ENPEP: variants seen among roughly 807,000 people sequenced by gnomAD.
The protein encoded by ENPEP is AP-A.
A neutral mutation model predicts 114.5 loss-of-function variants in ENPEP; 103 were observed. The ratio of observed to expected loss-of-function variants is 0.90; its 90% CI spans 0.77 to 1.06. The LOEUF (loss-of-function observed/expected upper bound fraction) is 1.06. Ranked by LOEUF, ENPEP falls within the 50% of genes least tolerant of loss-of-function variation. ENPEP has a pLI of 0.00. For synonymous variants in ENPEP, 420 were observed against 422.0 expected (o/e 1.00, Z 0.06); for missense variants, 1,196 against 1,161.3 (o/e 1.03, Z -0.43).
At chr4:110,508,670 G>A (rs1303271042) in intron 4 of ENPEP, among the ~76,000 whole-genome samples, 1 of 152,154 alleles carries the variant, frequency 6.6e-6, no homozygotes, top group Non-Finnish European at 1.5e-5. Flanking sequence ...AATTAGCCAG[G>A]CGCGGTGGCG....
At chr4:110,516,498 G>T (rs1378484297) in intron 8 of ENPEP, among the ~76,000 whole-genome samples, 1 of 152,138 alleles carries the variant, frequency 6.6e-6, no homozygotes, top group Non-Finnish European at 1.5e-5. Flanking sequence ...AGGTAGTCAG[G>T]AGTAGCAGTG....
At chr4:110,521,312 G>C (rs1411896196) in intron 10 of ENPEP, among the ~76,000 whole-genome samples, 1 of 152,086 alleles carries the variant, frequency 6.6e-6, no homozygotes, top group Non-Finnish European at 1.5e-5. Context: ...TCAGGAGTTT[G>C]AGGCTTCAGT....
At chr4:110,513,389 T>G in intron 6 of ENPEP, 26 bp from the exon 7 acceptor site, 1 of 1,605,840 alleles carries the variant, frequency 6.2e-7, no homozygotes, top group Non-Finnish European at 8.5e-7. Flanking sequence ...AATACTATAT[T>G]CCTTTGGCTC....
At chr4:110,495,051 A>G (rs1724874354) in intron 3 of ENPEP, among the ~76,000 whole-genome samples, 1 of 151,746 alleles carries the variant, frequency 6.6e-6, no homozygotes, top group Non-Finnish European at 1.5e-5. Flanking sequence ...TTATTGTTTA[A>G]AAAAAATGTA....
At chr4:110,536,915 G>A (rs1726655754) in intron 11 of ENPEP, among the ~76,000 whole-genome samples, 1 of 152,108 alleles carries the variant, frequency 6.6e-6, no homozygotes, top group Admixed American at 6.6e-5. Context: ...ACAATTAAGT[G>A]AGTCCATGAG....
chr4:110,486,428 C>T (rs1192792939), intron 1 of ENPEP, among the ~76,000 whole-genome samples: 3 of 152,206 alleles, frequency 2.0e-5, no homozygotes, highest in African/African-American at 7.2e-5. Context: ...TTTAGCCACA[C>T]TGGACACCTT....
intron 6 of ENPEP, 184 bp from the exon 7 acceptor site, chr4:110,513,228 TAGA>T (rs1273496854): frequency 1.0e-5 from 5 of 490,426 alleles, no homozygotes; most frequent in Admixed American, 8.8e-5. Context: ...GAATTAGAAG[TAGA>T]AGAAGGGCAT....
chr4:110,559,176 A>G (rs1727594080), intron 18 of ENPEP: 1 of 154,468 alleles, frequency 6.5e-6, no homozygotes, highest in Non-Finnish European at 1.4e-5. Flanking sequence ...AAGACGAATC[A>G]CTGGTATGTA....
At chr4:110,509,919 C>T (rs1437808956) in intron 5 of ENPEP, 112 bp downstream of exon 5, 6 of 1,358,638 alleles carry the variant, frequency 4.4e-6, no homozygotes, top group Non-Finnish European at 5.9e-6. Flanking sequence ...CTCAGAAAAA[C>T]TTGCATGAAA....
intron 6 of ENPEP, chr4:110,513,160 A>T (rs1725639080): frequency 7.2e-6 from 2 of 276,598 alleles, no homozygotes. Flanking sequence ...AAGTCGCAGA[A>T]GCAGAATTCA....
chr4:110,535,977 G>C (rs1463996257), intron 11 of ENPEP, among the ~76,000 whole-genome samples: 1 of 151,626 alleles, frequency 6.6e-6, no homozygotes, highest in East Asian at 1.9e-4. Context: ...TTTATACATA[G>C]CTGCCTGTAA....
At chr4:110,558,257 A>G (rs1159142159) in intron 18 of ENPEP, among the ~76,000 whole-genome samples, 1 of 121,894 alleles carries the variant, frequency 8.2e-6, no homozygotes, top group East Asian at 2.4e-4. Context: ...GAAACATTTA[A>G]TATTTATAAA....
chr4:110,481,292 G>T (rs1391181950), intron 1 of ENPEP, among the ~76,000 whole-genome samples: 6 of 151,648 alleles, frequency 4.0e-5, no homozygotes, highest in Admixed American at 3.3e-4. Context: ...TCCAGGCTGG[G>T]GTAGAACTCC....
At chr4:110,517,133 T>A (rs936853025) in intron 8 of ENPEP, among the ~76,000 whole-genome samples, 1 of 151,894 alleles carries the variant, frequency 6.6e-6, no homozygotes, top group Non-Finnish European at 1.5e-5. Flanking sequence ...AGAGACGGGG[T>A]GTCGCCACGT....
intron 11 of ENPEP, among the ~76,000 whole-genome samples, chr4:110,537,759 T>C (rs750676068): frequency 2.0e-5 from 3 of 152,230 alleles, no homozygotes; most frequent in South Asian, 2.1e-4. Flanking sequence ...CCTTACAAAA[T>C]GTATTTCTTA....
At chr4:110,523,543 G>T (rs769406129) in intron 10 of ENPEP, among the ~76,000 whole-genome samples, 1 of 152,172 alleles carries the variant, frequency 6.6e-6, no homozygotes, top group Non-Finnish European at 1.5e-5. Flanking sequence ...GGACCATGGT[G>T]TAAGAAATAG....
intron 19 of ENPEP, 63 bp downstream of exon 19, chr4:110,559,788 A>G (rs1026588326): frequency 7.3e-7 from 1 of 1,372,528 alleles, no homozygotes; most frequent in Non-Finnish European, 1.0e-6. Context: ...TTTTAAAAAA[A>G]ATTTTACTTT....
intron 3 of ENPEP, among the ~76,000 whole-genome samples, chr4:110,492,470 T>A (rs1170230757): frequency 2.0e-5 from 3 of 152,096 alleles, no homozygotes; most frequent in African/African-American, 7.2e-5. Context: ...GTGGTAGGAG[T>A]TGATATTCAG....
intron 8 of ENPEP, among the ~76,000 whole-genome samples, chr4:110,517,811 C>T (rs1560561030): frequency 1.3e-5 from 2 of 152,180 alleles, no homozygotes; most frequent in Non-Finnish European, 2.9e-5. Flanking sequence ...CTTCAATCTT[C>T]AAACACTAGC....
Sources: allele counts gnomAD v4.1 joint callset (sites outside exome capture counted in the v4.1 genomes callset), GRCh38; gene constraint gnomAD v4.1.1; transcripts MANE v1.5; gene names NCBI Gene and HGNC (gene_info 2026-07-23, HGNC 2026-07-21).